The following CASP5 variants were observed in gnomAD, a reference collection of about 807,000 sequenced individuals.
CASP5 encodes caspase 5, also known as caspase-5.
A neutral mutation model predicts 45.2 loss-of-function variants in CASP5; 42 were observed. The observed-to-expected ratio is 0.93, with a 90% CI of 0.73 to 1.20. The LOEUF is 1.20. CASP5 is among the 50% of genes most tolerant of loss of function. The pLI is 0.00. For missense variants in CASP5, 512 were observed against 532.2 expected, an observed-to-expected ratio of 0.96 and a Z score of 0.37; for synonymous variants, 209 against 186.2, an observed-to-expected ratio of 1.12 and a Z score of -1.00.
intron 4 of CASP5, among the ~76,000 whole-genome samples, chr11:105,002,876 AC>A (rs1026012392): frequency 4.6e-4 from 70 of 152,072 alleles, no homozygotes; most frequent in African/African-American, 2.2e-4. Context: ...CACTGTCACC[AC>A]CCCCTCATCA....
At chr11:105,017,245 A>G (rs1362291279) in intron 1 of CASP5, among the ~76,000 whole-genome samples, 1 of 152,350 alleles carries the variant, frequency 6.6e-6, no homozygotes, top group Admixed American at 6.5e-5. Flanking sequence ...TAAAAAGCAG[A>G]GCGACTCTCC....
intron 2 of CASP5, among the ~76,000 whole-genome samples, chr11:105,007,746 C>A (rs1862081185): frequency 6.6e-6 from 1 of 152,088 alleles, no homozygotes; most frequent in African/African-American, 2.4e-5. Flanking sequence ...AATCTTGCCT[C>A]TTTGCTGTAT....
At chr11:105,001,688 C>G (rs1861734645) in intron 5 of CASP5, among the ~76,000 whole-genome samples, 8 of 152,110 alleles carry the variant, frequency 5.3e-5, no homozygotes, top group Admixed American at 4.6e-4. Flanking sequence ...ATAGAGTGCC[C>G]TCCTGCCTAA....
At chr11:105,001,482 A>T (rs530561076) in intron 5 of CASP5, among the ~76,000 whole-genome samples, 2 of 152,230 alleles carry the variant, frequency 1.3e-5, no homozygotes, top group Non-Finnish European at 2.9e-5. Context: ...CTGGCTAACA[A>T]GGTGAAACCT....
chr11:105,020,964 T>C (rs1862924399), intron 1 of CASP5, among the ~76,000 whole-genome samples: 1 of 151,954 alleles, frequency 6.6e-6, no homozygotes, highest in South Asian at 2.1e-4. Context: ...CACAGAGATA[T>C]AGATCAATGG....
At chr11:105,004,212 A>G (rs1861892973) in intron 3 of CASP5, among the ~76,000 whole-genome samples, 1 of 152,184 alleles carries the variant, frequency 6.6e-6, no homozygotes, top group East Asian at 1.9e-4. Context: ...TCCAAGGTCA[A>G]AGGGACAAAT....
At chr11:105,003,500 G>A in intron 3 of CASP5, 117 bp from the exon 4 acceptor site, 1 of 615,776 alleles carries the variant, frequency 1.6e-6, no homozygotes, top group Non-Finnish European at 2.8e-6. Flanking sequence ...TTTATATTTA[G>A]GGGTTATAGC....
intron 1 of CASP5, among the ~76,000 whole-genome samples, chr11:105,019,821 C>T (rs1242526114): frequency 6.9e-6 from 1 of 145,070 alleles, no homozygotes; most frequent in Non-Finnish European, 1.5e-5. Context: ...CCAGCATCAT[C>T]CTGATACCAA....
intron 1 of CASP5, among the ~76,000 whole-genome samples, chr11:105,009,639 T>C (rs1862170686): frequency 6.8e-6 from 1 of 148,012 alleles, no homozygotes; most frequent in South Asian, 2.1e-4. Context: ...ACAAATATTA[T>C]GGTAGATTAA....
rs1861753746 is a variant in CASP5 at position 105,001,979 on chromosome 11, G to T, written c.717+49C>A. 7 of 1,561,546 alleles carry T rather than the reference G, an allele frequency of 4.5e-6. No individual in the cohort carries two copies. In the East Asian group the frequency reaches 9.0e-5, roughly 20 times the overall value. The stretch of plus-strand genomic sequence containing the variant: ...CTATAAAGCTAACTAATTATTAGAA[G>T]AATCTGTGTTGCCTATGGATGAGTG... On this transcript the variant is annotated intron_variant, in intron 5 of 9. Coordinates refer to ENST00000260315, the MANE Select transcript of CASP5 (RefSeq NM_004347.5).
rs533863283 is a variant in CASP5 at position 105,003,355 on chromosome 11, A to G, written c.462T>C (p.Pro154=). 24 of 1,602,938 alleles carry G rather than the reference A, an allele frequency of 1.5e-5. No homozygotes were observed. Among genetic ancestry groups the G allele is most frequent in the Non-Finnish European group, 2.0e-5 (23 of 1,175,600 alleles). ...GTATATTTGTAGATTCTGCTGACTC[A>G]GGTGGTCCAGCCTCGATTTGCAGAA... ...KPLLQIEAGP[P]ESAESTNILK... The change falls in exon 4 of 10, where the codon CCT becomes CCC. Residue 154 remains proline (P), a synonymous_variant. Coordinates refer to ENST00000260315, the MANE Select transcript of CASP5 (RefSeq NM_004347.5).
At chr11:105,018,063 A>C (rs1344462364) in intron 1 of CASP5, among the ~76,000 whole-genome samples, 2 of 151,262 alleles carry the variant, frequency 1.3e-5, no homozygotes, top group Admixed American at 6.6e-5. Flanking sequence ...ACTAAGCTTC[A>C]TAAGTGAAGG....
At chr11:105,016,774 C>T (rs1476704073) in intron 1 of CASP5, among the ~76,000 whole-genome samples, 7 of 152,150 alleles carry the variant, frequency 4.6e-5, no homozygotes, top group Admixed American at 3.3e-4. Context: ...AACAAAGCAG[C>T]CAGGAAGCTC....
intron 1 of CASP5, among the ~76,000 whole-genome samples, chr11:105,019,792 C>T (rs1422513550): frequency 2.1e-5 from 3 of 144,940 alleles, no homozygotes; most frequent in Non-Finnish European, 3.1e-5. Flanking sequence ...GGGAATCCTC[C>T]CTAACTCATT....
intron 3 of CASP5, 121 bp from the exon 4 acceptor site, chr11:105,003,504 T>C: frequency 1.7e-6 from 1 of 576,544 alleles, no homozygotes; most frequent in Admixed American, 3.5e-5. Flanking sequence ...TATTTAGGGG[T>C]TATAGCTGTA....
chr11:105,001,950 A>G, intron 5 of CASP5, 78 bp downstream of exon 5: 1 of 1,455,532 alleles, frequency 6.9e-7, no homozygotes, highest in Non-Finnish European at 9.4e-7. Context: ...ACCTTGTTGA[A>G]CTTCTATAAA....
chr11:105,009,924 C>CATAT (rs1332726005), intron 1 of CASP5, among the ~76,000 whole-genome samples: 2 of 125,554 alleles, frequency 1.6e-5, no homozygotes, highest in African/African-American at 6.1e-5. Context: ...TATATATACA[C>CATAT]ACATACACAC....
At chr11:105,023,072 C>G in intron 1 of CASP5, 58 bp downstream of exon 1, 1 of 1,519,952 alleles carries the variant, frequency 6.6e-7, no homozygotes, top group East Asian at 2.5e-5. Flanking sequence ...AGCAATAAAT[C>G]AAGATTTTTC....
chr11:105,004,149 C>T (rs1311932368), intron 3 of CASP5, among the ~76,000 whole-genome samples: 1 of 151,972 alleles, frequency 6.6e-6, no homozygotes, highest in Non-Finnish European at 1.5e-5. Flanking sequence ...GTGAAATCAC[C>T]TATTTATGAA....
Sources: allele counts gnomAD v4.1 joint callset (sites outside exome capture counted in the v4.1 genomes callset), GRCh38; gene constraint gnomAD v4.1.1; transcripts MANE v1.5; gene names NCBI Gene and HGNC (gene_info 2026-07-23, HGNC 2026-07-21).